SGCZ: variants seen among roughly 807,000 people sequenced by gnomAD.
The protein encoded by SGCZ is zeta-sarcoglycan.
In SGCZ, 40 loss-of-function variants were observed where a neutral mutation model predicts 41.3. The ratio of observed to expected loss-of-function variants is 0.97; its 90% CI spans 0.75 to 1.26. The LOEUF is 1.26. Among genes scored for constraint, SGCZ ranks in the 50% most tolerant of loss-of-function variants. The pLI is 0.00. For missense variants in SGCZ, 552 were observed against 369.8 expected, an observed-to-expected ratio of 1.49 and a Z score of -4.04; for synonymous variants, 206 against 137.5, an observed-to-expected ratio of 1.50 and a Z score of -3.49.
At chr8:14,606,700 C>G (rs546360283) in intron 1 of SGCZ, among the ~76,000 whole-genome samples, 1 of 152,296 alleles carries the variant, frequency 6.6e-6, no homozygotes. Context: ...ATTTTGTTCA[C>G]CACAGTACAT....
intron 1 of SGCZ, among the ~76,000 whole-genome samples, chr8:14,674,802 T>G (rs772134240): frequency 9.2e-5 from 14 of 151,878 alleles, no homozygotes; most frequent in Admixed American, 6.6e-4. Flanking sequence ...CCTCCTGCTT[T>G]TGCCATGTAA....
chr8:14,711,365 A>G (rs1317527567), intron 1 of SGCZ, among the ~76,000 whole-genome samples: 1 of 150,784 alleles, frequency 6.6e-6, no homozygotes. Context: ...TGAGGCTGGC[A>G]GATCCCTTGA....
chr8:14,906,109 T>C (rs537921529), intron 1 of SGCZ, among the ~76,000 whole-genome samples: 1 of 152,204 alleles, frequency 6.6e-6, no homozygotes, highest in South Asian at 2.1e-4. Context: ...GTATTTGAGA[T>C]ATAAGAGATA....
chr8:14,318,501 A>C (rs2059670), intron 3 of SGCZ, among the ~76,000 whole-genome samples: 140,607 of 151,978 alleles, frequency 0.93, 65,193 homozygotes, highest in Middle Eastern at 0.97. Flanking sequence ...GAAACATATT[A>C]ATGAAAGTCA....
intron 4 of SGCZ, among the ~76,000 whole-genome samples, chr8:14,209,005 T>C (rs954393071): frequency 6.6e-6 from 1 of 152,198 alleles, no homozygotes; most frequent in African/African-American, 2.4e-5. Context: ...GGGTGAATGC[T>C]GGTAGCTGTG....
intron 1 of SGCZ, among the ~76,000 whole-genome samples, chr8:14,959,012 A>G (rs1037525790): frequency 1.3e-5 from 2 of 152,124 alleles, no homozygotes; most frequent in African/African-American, 2.4e-5. Context: ...ATGAACTCCT[A>G]CTACATAGTA....
At chr8:14,704,386 A>G (rs1809262959) in intron 1 of SGCZ, among the ~76,000 whole-genome samples, 1 of 151,998 alleles carries the variant, frequency 6.6e-6, no homozygotes, top group South Asian at 2.1e-4. Flanking sequence ...TCACTTAATA[A>G]TGCTCTTTTA....
intron 2 of SGCZ, among the ~76,000 whole-genome samples, chr8:14,370,987 A>G (rs1803888928): frequency 6.6e-6 from 1 of 152,042 alleles, no homozygotes; most frequent in Admixed American, 6.6e-5. Context: ...TATGGAGATT[A>G]TAAATGAAAC....
At chr8:14,187,956 A>C (rs1804959279) in intron 4 of SGCZ, among the ~76,000 whole-genome samples, 1 of 152,174 alleles carries the variant, frequency 6.6e-6, no homozygotes, top group African/African-American at 2.4e-5. Context: ...AAAATGACTC[A>C]TTGGTTATAA....
chr8:14,282,483 A>T (rs1373898987), intron 3 of SGCZ, among the ~76,000 whole-genome samples: 2 of 152,136 alleles, frequency 1.3e-5, no homozygotes, highest in Non-Finnish European at 1.5e-5. Flanking sequence ...ATATTTCATA[A>T]ACCAGCTCAC....
intron 1 of SGCZ, among the ~76,000 whole-genome samples, chr8:15,227,811 G>A (rs939060650): frequency 3.3e-5 from 5 of 152,124 alleles, no homozygotes; most frequent in Non-Finnish European, 7.3e-5. Context: ...AAGATGGATG[G>A]TGCATCTCAC....
At chr8:15,160,233 G>C (rs550324879) in intron 1 of SGCZ, among the ~76,000 whole-genome samples, 3 of 152,194 alleles carry the variant, frequency 2.0e-5, no homozygotes, top group African/African-American at 7.2e-5. Flanking sequence ...GTCTTTTTGT[G>C]GCAGGATAAT....
intron 3 of SGCZ, among the ~76,000 whole-genome samples, chr8:14,257,761 C>T (rs997616749): frequency 1.3e-5 from 2 of 152,020 alleles, no homozygotes; most frequent in East Asian, 1.9e-4. Context: ...CGATAGTTTG[C>T]TGAGAATTTT....
chr8:14,239,899 CTCAAAAAA>C (rs1798802267), intron 3 of SGCZ, among the ~76,000 whole-genome samples: 3 of 83,452 alleles, frequency 3.6e-5, no homozygotes, highest in East Asian at 3.5e-4. Flanking sequence ...GAGACTCCGT[CTCAAAAAA>C]AAAAAAAAAA....
intron 1 of SGCZ, among the ~76,000 whole-genome samples, chr8:15,115,118 A>G (rs1368238373): frequency 6.6e-6 from 1 of 152,212 alleles, no homozygotes; most frequent in East Asian, 1.9e-4. Flanking sequence ...TGGCACACAG[A>G]AAGACATGTC....
chr8:14,164,519 T>G, intron 5 of SGCZ, 61 bp downstream of exon 5: 1 of 1,594,610 alleles, frequency 6.3e-7, no homozygotes, highest in Non-Finnish European at 8.6e-7. Context: ...AAGAAGCTCC[T>G]TGTGCAGTTG....
At chr8:14,115,916 G>A (rs1337694511) in intron 5 of SGCZ, among the ~76,000 whole-genome samples, 2 of 151,828 alleles carry the variant, frequency 1.3e-5, no homozygotes, top group East Asian at 1.9e-4. Flanking sequence ...ACTTCCTACT[G>A]CTAGTACTCA....
At chr8:14,530,333 T>C (rs1338386705) in intron 2 of SGCZ, among the ~76,000 whole-genome samples, 2 of 152,102 alleles carry the variant, frequency 1.3e-5, no homozygotes, top group East Asian at 1.9e-4. Context: ...TTCTCACAGA[T>C]CATACATCAA....
At chr8:14,577,716 T>C (rs2117248174) in intron 1 of SGCZ, among the ~76,000 whole-genome samples, 1 of 152,276 alleles carries the variant, frequency 6.6e-6, no homozygotes, top group African/African-American at 2.4e-5. Flanking sequence ...TGGAGAGAAA[T>C]TCAACAATTG....
Sources: gnomAD v4.1 joint callset for allele counts (sites outside exome capture counted in the v4.1 genomes callset) on GRCh38, gnomAD v4.1.1 for gene constraint, MANE v1.5 for transcripts, NCBI Gene and HGNC (gene_info 2026-07-23, HGNC 2026-07-21) for gene names.